Variants in LMO3 observed in about 807,000 individuals in gnomAD.
LMO3 encodes the protein LIM domain only 3.
A neutral mutation model predicts 15.8 loss-of-function variants in LMO3; 2 were observed. The observed-to-expected ratio is 0.13, with a 90% CI of 0.05 to 0.40. The LOEUF is 0.40. Ranked by LOEUF, LMO3 falls within the 10% of genes least tolerant of loss-of-function variation. The pLI, the probability that LMO3 is intolerant of heterozygous loss-of-function variation, is 0.99. For synonymous variants in LMO3, 62 were observed against 63.8 expected, an observed-to-expected ratio of 0.97 and a Z score of 0.13; for missense variants, 86 against 182.2, an observed-to-expected ratio of 0.47 and a Z score of 3.04.
At position 16,549,917 on chromosome 12, in the gene LMO3, T is replaced by G. The variant is rs1183435130; in HGVS notation, c.*1305A>C. The G allele has an allele frequency of 6.6e-6, 1 of 152,096 alleles. No homozygotes were observed. The highest frequency in any genetic ancestry group is 1.9e-4 in the East Asian group (1 of 5,196). 9.4% of individuals were successfully genotyped at this position (152,096 alleles called of 1,614,324 possible). A position where few individuals can be genotyped will look rare whatever the true frequency, so the allele number is the denominator to read the frequency against. On this transcript the variant is annotated 3_prime_UTR_variant, in exon 4 of 4. Transcript: ENST00000537304. ...ACCTTAAAAAATGGAAAGACAAATT[T>G]CAGCCTAAGAATGATGTATTCTGAG...
At position 16,582,533 on chromosome 12, in the gene LMO3, T is replaced by C. The variant is rs1943193493; in HGVS notation, c.206+18122A>G. Among the ~76,000 whole-genome samples the C allele has an allele frequency of 6.6e-6, 1 of 152,236 alleles. No individual in the cohort carries two copies. The highest frequency in any genetic ancestry group is 6.5e-5 in the Admixed American group (1 of 15,284). On this transcript the variant is annotated intron_variant, in intron 2 of 3. Transcript: ENST00000537304. The surrounding 1 kb of genome is among the most constrained non-coding windows in gnomAD (Gnocchi z 4.1). The stretch of plus-strand genomic sequence containing the variant: ...CTTAAGCTTCCTGTGTAACACTTAA[T>C]TGTGGATACTATGGAAGTGGCTAGA...
intron 1 of LMO3, among the ~76,000 whole-genome samples, chr12:16,602,953 ATTATTT>A (rs1943871401): frequency 6.6e-6 from 1 of 151,764 alleles, no homozygotes; most frequent in African/African-American, 2.4e-5. Flanking sequence ...TTGTAAGGCT[ATTATTT>A]TTATTTATCA....
Position 16,571,380 on chromosome 12 carries a change from A to C in LMO3, c.207-10842T>G, listed in dbSNP as rs564879857. On this transcript the variant is annotated intron_variant, in intron 2 of 3. Coordinates refer to ENST00000537304, the MANE Select transcript of LMO3 (RefSeq NM_018640.5). ...AAAGTACTTTCTGCAAAGCAAATTT[A>C]ATATCCAACACCATTTATCTCATTA... Among the ~76,000 whole-genome samples, 42 of 152,234 alleles carry C rather than the reference A, an allele frequency of 2.8e-4. No individual in the cohort carries two copies. In the South Asian group the frequency reaches 5.4e-3, roughly 20 times the overall value.
intron 3 of LMO3, among the ~76,000 whole-genome samples, chr12:16,558,386 G>A (rs759206886): frequency 1.3e-5 from 2 of 151,928 alleles, no homozygotes; most frequent in African/African-American, 2.4e-5. Context: ...TCCATAATGG[G>A]AACTGCATGG....
At chr12:16,595,874 G>T (rs903630622) in intron 2 of LMO3, among the ~76,000 whole-genome samples, 3 of 151,224 alleles carry the variant, frequency 2.0e-5, no homozygotes, top group African/African-American at 7.3e-5. Flanking sequence ...GTAAAAAGTG[G>T]TTTTTCAAAT....
At chr12:16,566,430 T>C (rs967000089) in intron 2 of LMO3, among the ~76,000 whole-genome samples, 5 of 151,960 alleles carry the variant, frequency 3.3e-5, no homozygotes, top group African/African-American at 4.8e-5. Flanking sequence ...AAAAAAATGA[T>C]AAATAATGTA....
intron 2 of LMO3, among the ~76,000 whole-genome samples, chr12:16,588,691 A>G (rs1036415227): frequency 4.6e-5 from 7 of 152,106 alleles, no homozygotes; most frequent in African/African-American, 1.4e-4. Context: ...TTTTTTCCAT[A>G]CAGCCTAAAG....
chr12:16,609,817 C>T (rs937569313), upstream of LMO3: 6 of 151,924 alleles, frequency 3.9e-5, no homozygotes, highest in African/African-American at 9.7e-5. Context: ...TCAGCTGTTT[C>T]TTTCTTTAAA....
Position 16,604,609 on chromosome 12 carries a change from C to G in LMO3, c.-9+1457G>C. ...ATACATACACTCTAACAAAGAATCCCTTGCGGAGTTTATGCTCCAGCCTTT... is the reference window on the plus strand; with the variant it reads ...ATACATACACTCTAACAAAGAATCCGTTGCGGAGTTTATGCTCCAGCCTTT... On this transcript the variant is annotated intron_variant, in intron 1 of 3. Transcript: ENST00000537304. This position sits in a 1 kb window ranked among gnomAD's most constrained non-coding sequence, Gnocchi z 5.3. 3.7e-6 allele frequency: 2 copies of G among 538,896 alleles called. No individual in the cohort carries two copies. Among genetic ancestry groups the G allele is most frequent in the East Asian group, 6.1e-5 (2 of 32,986 alleles). 33.4% of individuals were successfully genotyped at this position (538,896 alleles called of 1,614,324 possible).
upstream of LMO3, among the ~76,000 whole-genome samples, chr12:16,609,491 A>G (rs562923299): frequency 3.3e-4 from 50 of 152,320 alleles, no homozygotes; most frequent in African/African-American, 1.1e-3. Flanking sequence ...ATAAAGAGCC[A>G]GATCTTTTTG....
intron 2 of LMO3, among the ~76,000 whole-genome samples, chr12:16,580,402 T>C (rs1024585042): frequency 1.3e-5 from 2 of 152,240 alleles, no homozygotes; most frequent in African/African-American, 4.8e-5. Context: ...GGACCACTTC[T>C]ATGGTCTCTT....
In LMO3 at chr12:16,565,995, TATATATATATATATATATATATATATA is replaced by T. The variant is rs1450392796; in HGVS notation, c.207-5484_207-5458del. Among the ~76,000 whole-genome samples the T allele has an allele frequency of 3.4e-4, 5 of 14,566 alleles. 1 individual carries two copies. The highest frequency in any genetic ancestry group is 1.5e-3 in the African/African-American group (5 of 3,276). 9.6% of individuals were successfully genotyped at this position (14,566 alleles called of 152,430 possible). ...GAAGAAAATGTGCCATATATATATA[TATATATATATATATATATATATATATA>T]TATATATATATATATATAAAATGGA... On this transcript the variant is annotated intron_variant, in intron 2 of 3. Transcript: ENST00000537304.
In LMO3 at chr12:16,591,016, A is replaced by G. The variant is rs921018971; in HGVS notation, c.206+9639T>C. 3.9e-5 allele frequency among the ~76,000 whole-genome samples: 6 copies of G among 152,084 alleles called. No individual in the cohort carries two copies. Among genetic ancestry groups the G allele is most frequent in the African/African-American group, 9.7e-5 (4 of 41,434 alleles). On this transcript the variant is annotated intron_variant, in intron 2 of 3. Transcript: ENST00000537304. This position sits in a 1 kb window ranked among gnomAD's most constrained non-coding sequence, Gnocchi z 4.1. ...CAGATGAATTCTATAATCCCAAATG[A>G]AATTGATTTCACAACTGCCTCACTG...
At chr12:16,580,336 A>G (rs754827081) in intron 2 of LMO3, among the ~76,000 whole-genome samples, 1 of 152,208 alleles carries the variant, frequency 6.6e-6, no homozygotes, top group Non-Finnish European at 1.5e-5. Flanking sequence ...AAGGATCAAG[A>G]GCAAAGACAC....
chr12:16,568,897 T>TTA (rs1255897263), intron 2 of LMO3, among the ~76,000 whole-genome samples: 1 of 152,192 alleles, frequency 6.6e-6, no homozygotes, highest in African/African-American at 2.4e-5. Flanking sequence ...GAAATCTCTC[T>TTA]TATAATGTTC....
Position 16,584,587 on chromosome 12 carries a change from G to C in LMO3, c.206+16068C>G, listed in dbSNP as rs570227788. On this transcript the variant is annotated intron_variant, in intron 2 of 3. Transcript: ENST00000537304. The surrounding 1 kb of genome is among the most constrained non-coding windows in gnomAD (Gnocchi z 5.2). ...ATTAACATTGGCAAGTGGAGGAGTG[G>C]GGGGGGTAAGAGGCCTGTTTAGAGG... Among the ~76,000 whole-genome samples, 22 of 137,864 alleles carry C rather than the reference G, an allele frequency of 1.6e-4. No homozygotes were observed. Among genetic ancestry groups the C allele is most frequent in the Admixed American group, 4.9e-4 (7 of 14,308 alleles). 90.4% of individuals were successfully genotyped at this position (137,864 alleles called of 152,430 possible).
At chr12:16,580,396 C>G in intron 2 of LMO3, among the ~76,000 whole-genome samples, 1 of 152,140 alleles carries the variant, frequency 6.6e-6, no homozygotes, top group East Asian at 1.9e-4. Flanking sequence ...TTTAGAGGAC[C>G]ACTTCTATGG....
In LMO3 at chr12:16,596,337, A is replaced by G. The variant is rs1006442151; in HGVS notation, c.206+4318T>C. Among the ~76,000 whole-genome samples the G allele has an allele frequency of 2.0e-5, 3 of 151,606 alleles. No individual in the cohort carries two copies. The highest frequency in any genetic ancestry group is 7.2e-5 in the African/African-American group (3 of 41,404). ...TCATCCTCACGTATAAAAATAGCAA[A>G]TTGCATTAAATTTTATATAAGACAT... On this transcript the variant is annotated intron_variant, in intron 2 of 3. Transcript: ENST00000537304. This position sits in a 1 kb window ranked among gnomAD's most constrained non-coding sequence, Gnocchi z 4.3.
At chr12:16,607,717 C>A (rs896333263), upstream of LMO3, 2 of 151,380 alleles carry the variant, frequency 1.3e-5, no homozygotes, top group Non-Finnish European at 3.0e-5. Context: ...AACTTTTTTT[C>A]TTCTCTTCAC....
Sources: gnomAD v4.1 joint callset for allele counts (sites outside exome capture counted in the v4.1 genomes callset) on GRCh38, gnomAD v4.1.1 for gene constraint, Gnocchi (gnomAD v3.1) non-coding constraint, MANE v1.5 for transcripts, NCBI Gene and HGNC (gene_info 2026-07-23, HGNC 2026-07-21) for gene names.